AP4E1: variants seen among roughly 807,000 people sequenced by gnomAD.
AP4E1 encodes the protein adaptor related protein complex 4 subunit epsilon 1, also known as AP-4 complex subunit epsilon-1.
In AP4E1, 56 loss-of-function variants were observed where a neutral mutation model predicts 128.2. The observed-to-expected ratio is 0.44, with a 90% CI of 0.35 to 0.55. AP4E1 has a LOEUF of 0.55. AP4E1 is among the 20% of genes least tolerant of loss of function. The pLI is 0.00. For synonymous variants in AP4E1, 484 were observed against 473.1 expected (o/e 1.02, Z -0.30); for missense variants, 1,324 against 1,307.7 (o/e 1.01, Z -0.19).
chr15:50,929,258 GC>G, intron 6 of AP4E1, 90 bp downstream of exon 6: 3 of 1,382,890 alleles, frequency 2.2e-6, no homozygotes, highest in Non-Finnish European at 3.0e-6. Flanking sequence ...TTGGTAAAAT[GC>G]TTAGTTAACA....
intron 16 of AP4E1, among the ~76,000 whole-genome samples, chr15:50,989,392 A>G (rs574036120): frequency 6.6e-6 from 1 of 152,190 alleles, no homozygotes; most frequent in East Asian, 1.9e-4. Flanking sequence ...TGAAATGGTT[A>G]CAAGTATTTA....
At chr15:50,978,314 C>G (rs1313243544) in intron 15 of AP4E1, among the ~76,000 whole-genome samples, 1 of 152,008 alleles carries the variant, frequency 6.6e-6, no homozygotes, top group Non-Finnish European at 1.5e-5. Context: ...TTTACTAAAT[C>G]TGGCTTTTAG....
intron 14 of AP4E1, 40 bp downstream of exon 14, chr15:50,958,834 T>A: frequency 6.3e-7 from 1 of 1,588,142 alleles, no homozygotes; most frequent in Non-Finnish European, 8.6e-7. Flanking sequence ...AATTGCGTTG[T>A]CATTAAACAG....
intron 2 of AP4E1, among the ~76,000 whole-genome samples, chr15:50,914,047 T>G (rs1007746063): frequency 1.3e-5 from 2 of 152,188 alleles, no homozygotes; most frequent in African/African-American, 4.8e-5. Context: ...CTCGAACTCC[T>G]GACCTCAGGT....
intron 11 of AP4E1, among the ~76,000 whole-genome samples, chr15:50,949,527 A>T (rs959937852): frequency 6.6e-6 from 1 of 151,902 alleles, no homozygotes; most frequent in Non-Finnish European, 1.5e-5. Flanking sequence ...ATTTTCCATT[A>T]TTTGCATCTA....
At chr15:50,922,148 G>A in intron 3 of AP4E1, among the ~76,000 whole-genome samples, 1 of 130,456 alleles carries the variant, frequency 7.7e-6, no homozygotes, top group Admixed American at 8.7e-5. Flanking sequence ...GTAACATAGT[G>A]AGACCCTATC....
chr15:50,982,683 A>G (rs1158629809), intron 15 of AP4E1, among the ~76,000 whole-genome samples: 1 of 147,402 alleles, frequency 6.8e-6, no homozygotes, highest in Admixed American at 6.8e-5. Flanking sequence ...TCTCCTGATC[A>G]TTAGCCCATC....
chr15:50,908,013 G>T (rs1405290249), upstream of AP4E1, among the ~76,000 whole-genome samples: 1 of 152,348 alleles, frequency 6.6e-6, no homozygotes, highest in Non-Finnish European at 1.5e-5. Flanking sequence ...GGCCAGGGGA[G>T]TGGGCTCTAG....
intron 17 of AP4E1, among the ~76,000 whole-genome samples, chr15:50,993,954 G>T (rs1251972967): frequency 1.3e-5 from 2 of 152,170 alleles, no homozygotes; most frequent in Non-Finnish European, 2.9e-5. Context: ...AGGGAAGGGG[G>T]ATGAATAATA....
chr15:50,959,489 A>G (rs962759289), intron 14 of AP4E1, among the ~76,000 whole-genome samples: 8 of 152,296 alleles, frequency 5.3e-5, no homozygotes, highest in African/African-American at 1.9e-4. Flanking sequence ...CATAAAGGAG[A>G]AATAAAGTCT....
rs374123339 is a variant in AP4E1 at position 50,958,751 on chromosome 15, T to G, written c.1808T>G (p.Met603Arg). ...LKHLHENVEL[M>R]KSLLPVDRSC... is the part of the protein sequence containing the mutation. ...CATTTGCATGAGAATGTGGAACTTA[T>G]GAAGAGCTTGCTTCCAGTTGACAGG... Residue 603 changes from methionine to arginine, a missense_variant, in exon 14 of 21, where the codon ATG becomes AGG. Coordinates refer to ENST00000261842, the MANE Select transcript of AP4E1 (RefSeq NM_007347.5). 1.2e-6 allele frequency: 2 copies of G among 1,614,180 alleles called. No individual in the cohort carries two copies. The highest frequency in any genetic ancestry group is 1.7e-6 in the Non-Finnish European group (2 of 1,180,006).
chr15:50,996,731 G>A (rs1048438557), intron 17 of AP4E1, among the ~76,000 whole-genome samples: 5 of 152,168 alleles, frequency 3.3e-5, no homozygotes, highest in African/African-American at 1.2e-4. Context: ...TTGGACCAAC[G>A]ATGTCAAGTT....
At chr15:50,907,972 G>C (rs577367440), upstream of AP4E1, among the ~76,000 whole-genome samples, 1 of 152,238 alleles carries the variant, frequency 6.6e-6, no homozygotes, top group Non-Finnish European at 1.5e-5. Flanking sequence ...CTGTGAGAGG[G>C]TGGGACTTGG....
chr15:50,977,695 A>C (rs1163513981), intron 15 of AP4E1, among the ~76,000 whole-genome samples: 1 of 131,936 alleles, frequency 7.6e-6, no homozygotes, highest in Non-Finnish European at 1.6e-5. Flanking sequence ...TTTAATTATC[A>C]ATCTGTTATG....
chr15:50,949,709 TA>T, intron 11 of AP4E1, 116 bp from the exon 12 acceptor site: 1 of 781,058 alleles, frequency 1.3e-6, no homozygotes, highest in Middle Eastern at 3.0e-4. Context: ...TGGCAGAGGT[TA>T]AAGGTAAAAC....
chr15:50,974,261 C>T (rs1032647009), intron 15 of AP4E1, among the ~76,000 whole-genome samples: 6 of 146,424 alleles, frequency 4.1e-5, no homozygotes, highest in African/African-American at 7.7e-5. Flanking sequence ...CCACTGTGCC[C>T]GGCCATTTTT....
intron 6 of AP4E1, among the ~76,000 whole-genome samples, chr15:50,929,828 T>G (rs1316704306): frequency 6.6e-6 from 1 of 152,162 alleles, no homozygotes; most frequent in Non-Finnish European, 1.5e-5. Flanking sequence ...TTAAATTTTA[T>G]TTTTTCCTTA....
chr15:50,968,699 C>G (rs893759502), intron 15 of AP4E1, among the ~76,000 whole-genome samples: 6 of 152,164 alleles, frequency 3.9e-5, no homozygotes, highest in African/African-American at 7.2e-5. Context: ...ACGATCTGGG[C>G]TTACTGCAAC....
intron 13 of AP4E1, among the ~76,000 whole-genome samples, chr15:50,953,805 A>T (rs1227621998): frequency 2.0e-5 from 3 of 152,226 alleles, no homozygotes; most frequent in African/African-American, 7.2e-5. Flanking sequence ...GTTCTACAGT[A>T]AGAAGGGAAA....
Sources: gnomAD v4.1 joint callset for allele counts (sites outside exome capture counted in the v4.1 genomes callset) on GRCh38, gnomAD v4.1.1 for gene constraint, MANE v1.5 for transcripts, NCBI Gene and HGNC (gene_info 2026-07-23, HGNC 2026-07-21) for gene names.